Variants in ZNF469 observed in about 807,000 individuals in gnomAD.
The protein encoded by ZNF469 is zinc finger protein 469.
Under a neutral mutation model 1.0 loss-of-function variants are expected in ZNF469, and 1 was observed. The observed-to-expected ratio is 1.00, with a 90% CI of 0.35 to 4.73. The LOEUF is 4.73. ZNF469 is among the 30% of genes most tolerant of loss of function. ZNF469 has a pLI of 0.16. For synonymous variants in ZNF469, 2,703 were observed against 2,363.4 expected (o/e 1.14, Z -4.17); for missense variants, 6,100 against 5,356.3 (o/e 1.14, Z -4.33).
intron 1 of ZNF469, among the ~76,000 whole-genome samples, chr16:88,388,777 C>T (rs1470741812): frequency 6.6e-6 from 1 of 152,072 alleles, no homozygotes; most frequent in Non-Finnish European, 1.5e-5. Context: ...GGTGCCAGGG[C>T]CAATCTCCAT....
chr16:88,241,357 TAAA>T, the ZNF469 span, among the ~76,000 whole-genome samples: 9 of 134,922 alleles, frequency 6.7e-5, no homozygotes, highest in Non-Finnish European at 6.5e-5. This position sits in a 1 kb window ranked among gnomAD's most constrained non-coding sequence, Gnocchi z 4.8. Context: ...AGACTCCCTC[TAAA>T]AAAAAAAAAA....
At chr16:88,328,959 C>T in the ZNF469 span, among the ~76,000 whole-genome samples, 1 of 152,168 alleles carries the variant, frequency 6.6e-6, no homozygotes, top group African/African-American at 2.4e-5. Flanking sequence ...AGGGTCAGGG[C>T]CCTAAATGTT....
chr16:88,232,430 G>A, the ZNF469 span, among the ~76,000 whole-genome samples: 3 of 151,940 alleles, frequency 2.0e-5, no homozygotes, highest in Admixed American at 2.0e-4. Flanking sequence ...TGGGACAGCT[G>A]GACCAGGCCT....
At chr16:88,171,232 G>C in the ZNF469 span, among the ~76,000 whole-genome samples, 1 of 152,322 alleles carries the variant, frequency 6.6e-6, no homozygotes, top group African/African-American at 2.4e-5. Flanking sequence ...ATAATGCAAA[G>C]GGCCTTGGCC....
chr16:88,113,739 T>C, the ZNF469 span, among the ~76,000 whole-genome samples: 1 of 150,870 alleles, frequency 6.6e-6, no homozygotes, highest in Non-Finnish European at 1.5e-5. Context: ...GCCCCAGCTG[T>C]GAGGCGTGCG....
the ZNF469 span, among the ~76,000 whole-genome samples, chr16:88,119,079 C>T: frequency 6.6e-6 from 1 of 152,232 alleles, no homozygotes; most frequent in Non-Finnish European, 1.5e-5. Context: ...TCCCTGACAA[C>T]TCGTAACTCT....
the ZNF469 span, among the ~76,000 whole-genome samples, chr16:88,171,181 C>A: frequency 6.6e-6 from 1 of 152,178 alleles, no homozygotes; most frequent in African/African-American, 2.4e-5. Context: ...TGGCAAAAGT[C>A]ATGAGGATGC....
chr16:88,154,252 G>A, the ZNF469 span, among the ~76,000 whole-genome samples: 86,211 of 151,818 alleles, frequency 0.57, 28,366 homozygotes, highest in Non-Finnish European at 0.76. Flanking sequence ...CTGCCTCCCG[G>A]GTTCAAGTGA....
At position 88,430,832 on chromosome 16, in the gene ZNF469, G is replaced by A; in HGVS notation, c.3362G>A (p.Arg1121Lys). The A allele has an allele frequency of 6.5e-7, 1 of 1,535,056 alleles. No homozygotes were observed. The highest frequency in any genetic ancestry group is 8.7e-7 in the Non-Finnish European group (1 of 1,145,902). ...FRGRRGRGEKRKEVELTQGPR... is the reference protein window; with the variant it reads ...FRGRRGRGEKKKEVELTQGPR... Reference sequence around the variant, plus strand: ...GGCCGGCGGGGCCGAGGCGAGAAGAGGAAGGAAGTGGAGCTGACCCAGGGT... The same window carrying A: ...GGCCGGCGGGGCCGAGGCGAGAAGAAGAAGGAAGTGGAGCTGACCCAGGGT... The change falls in exon 3 of 3, where the codon AGG becomes AAG. Residue 1121 changes from arginine (R) to lysine (K), a missense_variant. Physicochemically the swap from Arg to Lys is conservative, Grantham distance 26. Coordinates refer to ENST00000565624, the MANE Select transcript of ZNF469 (RefSeq NM_001367624.2).
chr16:88,263,182 A>G, the ZNF469 span, among the ~76,000 whole-genome samples: 1 of 152,212 alleles, frequency 6.6e-6, no homozygotes, highest in East Asian at 1.9e-4. Context: ...ACGGAGACTC[A>G]GGTTCCCGGA....
the ZNF469 span, among the ~76,000 whole-genome samples, chr16:88,142,945 C>T: frequency 0.083 from 12,623 of 152,176 alleles, 661 homozygotes; most frequent in Admixed American, 0.14. Context: ...AGAGCCCCTG[C>T]GGCAGAATCA....
chr16:88,127,251 C>T, the ZNF469 span, among the ~76,000 whole-genome samples: 1 of 152,108 alleles, frequency 6.6e-6, no homozygotes. Flanking sequence ...CCTCATAACA[C>T]AGATGGGAAA....
At chr16:88,111,647 T>C in the ZNF469 span, among the ~76,000 whole-genome samples, 2 of 152,164 alleles carry the variant, frequency 1.3e-5, no homozygotes, top group African/African-American at 4.8e-5. Flanking sequence ...TTTTGTTTGT[T>C]TGTTTGTTGA....
chr16:88,280,128 A>G, the ZNF469 span, among the ~76,000 whole-genome samples: 2 of 151,636 alleles, frequency 1.3e-5, no homozygotes, highest in South Asian at 4.1e-4. Flanking sequence ...TGCCATGCTG[A>G]CGCTCGGTCA....
the ZNF469 span, among the ~76,000 whole-genome samples, chr16:88,275,348 G>A: frequency 1.3e-5 from 2 of 152,188 alleles, no homozygotes; most frequent in Non-Finnish European, 2.9e-5. Context: ...AACATCACCA[G>A]AGACAAGAAA....
chr16:88,131,946 G>A, the ZNF469 span, among the ~76,000 whole-genome samples: 1 of 152,214 alleles, frequency 6.6e-6, no homozygotes, highest in African/African-American at 2.4e-5. Flanking sequence ...GCCTCTAATG[G>A]CTCCTGCCCG....
the ZNF469 span, among the ~76,000 whole-genome samples, chr16:88,182,564 G>C: frequency 6.6e-6 from 1 of 151,962 alleles, no homozygotes; most frequent in South Asian, 2.1e-4. Flanking sequence ...AAACAAAATA[G>C]AGTCTTGGAA....
the ZNF469 span, among the ~76,000 whole-genome samples, chr16:88,190,874 A>C: frequency 6.6e-6 from 1 of 152,242 alleles, no homozygotes; most frequent in Admixed American, 6.5e-5. Flanking sequence ...ATAGATGTTC[A>C]TCATCGCTCT....
the ZNF469 span, among the ~76,000 whole-genome samples, chr16:88,257,353 G>A: frequency 2.0e-5 from 3 of 151,882 alleles, no homozygotes; most frequent in African/African-American, 7.3e-5. Context: ...TTTAAATTGG[G>A]TTGTTTATTT....
Sources: gnomAD v4.1 joint callset for allele counts (sites outside exome capture counted in the v4.1 genomes callset) on GRCh38, gnomAD v4.1.1 for gene constraint, Gnocchi (gnomAD v3.1) non-coding constraint, MANE v1.5 for transcripts, NCBI Gene and HGNC (gene_info 2026-07-23, HGNC 2026-07-21) for gene names.